The following PDGFC variants were observed in gnomAD, a reference collection of about 807,000 sequenced individuals.
The protein encoded by PDGFC is platelet-derived growth factor C.
A neutral mutation model predicts 35.5 loss-of-function variants in PDGFC; 12 were observed. That is an observed-to-expected ratio of 0.34 (90% CI 0.22 to 0.55). The LOEUF (loss-of-function observed/expected upper bound fraction) is 0.55. Ranked by LOEUF, PDGFC falls within the 20% of genes least tolerant of loss-of-function variation. The pLI, the probability that PDGFC is intolerant of heterozygous loss-of-function variation, is 0.91. For missense variants in PDGFC, 322 were observed against 412.4 expected (o/e 0.78, Z 1.90); for synonymous variants, 159 against 148.8 (o/e 1.07, Z -0.50).
chr4:156,767,099 G>A (rs1190916908), intron 5 of PDGFC, among the ~76,000 whole-genome samples: 1 of 152,040 alleles, frequency 6.6e-6, no homozygotes, highest in Non-Finnish European at 1.5e-5. Flanking sequence ...GATGCTGTAT[G>A]ATGCTGCTGG....
chr4:156,896,830 A>G (rs1730643939), intron 1 of PDGFC, among the ~76,000 whole-genome samples: 1 of 152,158 alleles, frequency 6.6e-6, no homozygotes, highest in Non-Finnish European at 1.5e-5. Context: ...TCATGAGAAA[A>G]CCATGGAAGC....
chr4:156,776,023 T>A (rs532017935), intron 3 of PDGFC, among the ~76,000 whole-genome samples: 1 of 152,210 alleles, frequency 6.6e-6, no homozygotes, highest in Admixed American at 6.5e-5. Context: ...ACCCACTGGT[T>A]CAAGAAAGAG....
chr4:156,866,759 C>T (rs1157654115), intron 1 of PDGFC, among the ~76,000 whole-genome samples: 2 of 151,460 alleles, frequency 1.3e-5, no homozygotes, highest in Non-Finnish European at 2.9e-5. Context: ...GTATTATATA[C>T]ACAATCTAAT....
chr4:156,897,759 C>T (rs1038750329), intron 1 of PDGFC, among the ~76,000 whole-genome samples: 3 of 152,010 alleles, frequency 2.0e-5, no homozygotes, highest in African/African-American at 7.3e-5. Context: ...AATCGACAAA[C>T]GGAAGATACT....
chr4:156,825,071 A>G (rs1195891839), intron 2 of PDGFC, among the ~76,000 whole-genome samples: 5 of 152,158 alleles, frequency 3.3e-5, no homozygotes, highest in Admixed American at 6.5e-5. Flanking sequence ...ACATATCTAG[A>G]TTTAAGTAAA....
intron 3 of PDGFC, among the ~76,000 whole-genome samples, chr4:156,780,763 T>C (rs1461892187): frequency 6.6e-6 from 1 of 151,962 alleles, no homozygotes; most frequent in African/African-American, 2.4e-5. Context: ...AGGGGAAAAA[T>C]GAGCTAATTC....
chr4:156,890,925 G>T (rs1389139205), intron 1 of PDGFC, among the ~76,000 whole-genome samples: 1 of 152,046 alleles, frequency 6.6e-6, no homozygotes, highest in Non-Finnish European at 1.5e-5. Context: ...ATATGTGTGT[G>T]TGTGTATATA....
chr4:156,903,276 T>G (rs1730837619), intron 1 of PDGFC, among the ~76,000 whole-genome samples: 1 of 151,126 alleles, frequency 6.6e-6, no homozygotes, highest in Admixed American at 6.6e-5. Context: ...AATTAAACAA[T>G]AACATTTTCT....
chr4:156,841,231 C>T (rs1445314071), intron 2 of PDGFC: 1 of 152,168 alleles, frequency 6.6e-6, no homozygotes, highest in Non-Finnish European at 1.5e-5. Flanking sequence ...CCCCACACGT[C>T]ATGGGAGTGA....
At chr4:156,925,147 G>A (rs1024594084) in intron 1 of PDGFC, among the ~76,000 whole-genome samples, 3 of 152,196 alleles carry the variant, frequency 2.0e-5, no homozygotes, top group Admixed American at 1.3e-4. Context: ...GTGTTTTCAG[G>A]AAGGAAATGT....
At chr4:156,970,663 T>C (rs745441813) in intron 1 of PDGFC, 123 bp downstream of exon 1, 6 of 700,104 alleles carry the variant, frequency 8.6e-6, no homozygotes, top group South Asian at 6.8e-5. Flanking sequence ...CAGCGCACAT[T>C]TGCATGTAAT....
intron 2 of PDGFC, among the ~76,000 whole-genome samples, chr4:156,843,961 C>T (rs959889963): frequency 6.6e-6 from 1 of 152,188 alleles, no homozygotes; most frequent in African/African-American, 2.4e-5. Context: ...CTCCTGTCCT[C>T]AAAATCCTTG....
At chr4:156,962,804 A>C (rs1732373069) in intron 1 of PDGFC, among the ~76,000 whole-genome samples, 1 of 152,058 alleles carries the variant, frequency 6.6e-6, no homozygotes, top group South Asian at 2.1e-4. Context: ...TATACACTGC[A>C]TACTATCTGC....
At chr4:156,874,997 C>A in intron 1 of PDGFC, among the ~76,000 whole-genome samples, 1 of 152,136 alleles carries the variant, frequency 6.6e-6, no homozygotes, top group East Asian at 1.9e-4. Context: ...GGATTACAAG[C>A]ACAAGCTACC....
intron 1 of PDGFC, among the ~76,000 whole-genome samples, chr4:156,878,487 T>C (rs1334744087): frequency 6.6e-6 from 1 of 152,182 alleles, no homozygotes; most frequent in African/African-American, 2.4e-5. Flanking sequence ...AAAACACATA[T>C]GGCTTCCCAG....
At chr4:156,955,906 G>T (rs1284235207) in intron 1 of PDGFC, among the ~76,000 whole-genome samples, 1 of 151,946 alleles carries the variant, frequency 6.6e-6, no homozygotes, top group Non-Finnish European at 1.5e-5. Flanking sequence ...CATCTGCTTA[G>T]AACTCTCTCT....
At chr4:156,834,759 G>GA (rs918760451) in intron 2 of PDGFC, among the ~76,000 whole-genome samples, 7 of 151,912 alleles carry the variant, frequency 4.6e-5, no homozygotes, top group South Asian at 2.1e-4. Context: ...TGTTTTTGGG[G>GA]AAAAAAATCT....
At chr4:156,915,519 G>A (rs996182027) in intron 1 of PDGFC, among the ~76,000 whole-genome samples, 5 of 151,930 alleles carry the variant, frequency 3.3e-5, no homozygotes, top group South Asian at 2.1e-4. Context: ...AACAAGGTGC[G>A]GGGGGGCAGG....
chr4:156,848,133 A>T (rs1240594255), intron 2 of PDGFC, among the ~76,000 whole-genome samples: 1 of 134,674 alleles, frequency 7.4e-6, no homozygotes, highest in African/African-American at 2.5e-5. Flanking sequence ...AGGCATGATA[A>T]AAAGGTAATA....
Sources: gnomAD v4.1 joint callset for allele counts (sites outside exome capture counted in the v4.1 genomes callset) on GRCh38, gnomAD v4.1.1 for gene constraint, MANE v1.5 for transcripts, NCBI Gene and HGNC (gene_info 2026-07-23, HGNC 2026-07-21) for gene names.